Variants in FAM117B observed in about 807,000 individuals in gnomAD.
The protein encoded by FAM117B is protein FAM117B.
Under a neutral mutation model 52.8 loss-of-function variants are expected in FAM117B, and 22 were observed. That is an observed-to-expected ratio of 0.42 (90% CI 0.30 to 0.59). The LOEUF (loss-of-function observed/expected upper bound fraction) is 0.59, where lower values mean the gene tolerates loss of function less well. Ranked by LOEUF, FAM117B falls within the 20% of genes least tolerant of loss-of-function variation. The probability of loss-of-function intolerance (pLI) is 0.22; values close to 1 mark genes in which losing one functional copy is unlikely to be tolerated. For synonymous variants in FAM117B, 309 were observed against 324.1 expected, an observed-to-expected ratio of 0.95 and a Z score of 0.50; for missense variants, 678 against 802.6, an observed-to-expected ratio of 0.84 and a Z score of 1.88.
At chr2:202,691,711 C>T (rs1392872594) in intron 1 of FAM117B, among the ~76,000 whole-genome samples, 1 of 138,596 alleles carries the variant, frequency 7.2e-6, no homozygotes, top group East Asian at 2.0e-4. Flanking sequence ...GCGCGCGCCT[C>T]CCCACCCTGC....
intron 4 of FAM117B, among the ~76,000 whole-genome samples, chr2:202,735,901 A>G (rs935108222): frequency 2.0e-5 from 3 of 152,186 alleles, no homozygotes; most frequent in Non-Finnish European, 4.4e-5. Flanking sequence ...ATCATTTAAC[A>G]TTAGATATAT....
At chr2:202,655,756 G>T (rs993276251) in intron 1 of FAM117B, among the ~76,000 whole-genome samples, 1 of 144,942 alleles carries the variant, frequency 6.9e-6, no homozygotes, top group African/African-American at 2.6e-5. Context: ...GAGAGAGAGA[G>T]AGAGAGTGTG....
At chr2:202,648,283 G>A (rs1231101018) in intron 1 of FAM117B, among the ~76,000 whole-genome samples, 1 of 152,152 alleles carries the variant, frequency 6.6e-6, no homozygotes, top group African/African-American at 2.4e-5. Flanking sequence ...GCCGAGATGT[G>A]TAGATTGCCT....
In FAM117B at chr2:202,766,040, T is replaced by A. The variant is rs1298219814; in HGVS notation, c.*276T>A. On this transcript the variant is annotated 3_prime_UTR_variant, in exon 8 of 8. Coordinates refer to ENST00000392238, the MANE Select transcript of FAM117B (RefSeq NM_173511.4). ...TGGAGAGACAATATCACGTTTTTGT[T>A]TTCGAATTAGACTTCTTTAAAACAC... is the stretch of plus-strand genomic sequence containing the variant. 1.5e-5 allele frequency: 6 copies of A among 408,700 alleles called. No individual in the cohort carries two copies. The highest frequency in any genetic ancestry group is 1.3e-5 in the Non-Finnish European group (3 of 226,050). 25.3% of individuals were successfully genotyped at this position (408,700 alleles called of 1,614,324 possible).
intron 1 of FAM117B, among the ~76,000 whole-genome samples, chr2:202,663,011 G>C (rs945471637): frequency 2.0e-5 from 3 of 152,126 alleles, no homozygotes; most frequent in Non-Finnish European, 4.4e-5. Flanking sequence ...ACTATTTTTA[G>C]CTTCAGAATA....
intron 4 of FAM117B, among the ~76,000 whole-genome samples, chr2:202,731,368 T>TATATAG (rs780138718): frequency 0.04 from 3,876 of 95,742 alleles, 412 homozygotes; most frequent in East Asian, 0.067. Context: ...TATATATATA[T>TATATAG]GGAGAGAGAG....
intron 1 of FAM117B, among the ~76,000 whole-genome samples, chr2:202,657,700 G>T (rs886270308): frequency 6.6e-6 from 1 of 151,602 alleles, no homozygotes; most frequent in Non-Finnish European, 1.5e-5. Context: ...TGCCTAAGCT[G>T]GTCTCGACCT....
At chr2:202,724,143 C>T (rs1691198852) in intron 2 of FAM117B, among the ~76,000 whole-genome samples, 2 of 148,862 alleles carry the variant, frequency 1.3e-5, no homozygotes, top group South Asian at 4.3e-4. Context: ...CTGCAATCTC[C>T]ACCTCCCGGG....
Position 202,733,709 on chromosome 2 carries a change from A to G in FAM117B, c.960+7346A>G, listed in dbSNP as rs367820697. Among the ~76,000 whole-genome samples, 18 of 152,248 alleles carry G rather than the reference A, an allele frequency of 1.2e-4. No individual in the cohort carries two copies. The East Asian group carries it at 2.1e-3, about 18-fold the overall frequency. ...TCCCTTGTTCCCTAAAATCGCTGTT[A>G]TTCTGTTCGTTTTCAAGGTGCACTG... On this transcript the variant is annotated intron_variant, in intron 4 of 7. Transcript: ENST00000392238.
At chr2:202,661,925 A>G (rs1690134331) in intron 1 of FAM117B, among the ~76,000 whole-genome samples, 1 of 151,976 alleles carries the variant, frequency 6.6e-6, no homozygotes. Flanking sequence ...CATCTAAAAA[A>G]AAAAAAAAAA....
chr2:202,725,299 C>CTTT (rs11432596), intron 3 of FAM117B: 145 of 148,796 alleles, frequency 9.7e-4, no homozygotes, highest in Middle Eastern at 3.2e-3. Flanking sequence ...CACATTTATT[C>CTTT]TTTTTTTTTT....
At chr2:202,763,745 C>G (rs1691934823) in intron 7 of FAM117B, among the ~76,000 whole-genome samples, 1 of 152,118 alleles carries the variant, frequency 6.6e-6, no homozygotes, top group Non-Finnish European at 1.5e-5. Context: ...TTTCTTTGTT[C>G]TTAATTGTTA....
intron 4 of FAM117B, among the ~76,000 whole-genome samples, chr2:202,732,776 G>C (rs914044926): frequency 1.3e-5 from 2 of 151,588 alleles, no homozygotes; most frequent in South Asian, 4.2e-4. Context: ...AGCTGAGATC[G>C]CACCACTGCA....
intron 1 of FAM117B, among the ~76,000 whole-genome samples, chr2:202,693,125 A>G (rs1400150380): frequency 6.6e-6 from 1 of 152,212 alleles, no homozygotes; most frequent in Non-Finnish European, 1.5e-5. Flanking sequence ...TTGTATTTTT[A>G]AGCATTTTAT....
At chr2:202,742,539 T>C (rs964539551) in intron 4 of FAM117B, among the ~76,000 whole-genome samples, 1 of 152,144 alleles carries the variant, frequency 6.6e-6, no homozygotes, top group Admixed American at 6.5e-5. Context: ...TCTAAATGGA[T>C]TAAGGATCTA....
intron 2 of FAM117B, among the ~76,000 whole-genome samples, chr2:202,701,937 A>T (rs775141898): frequency 1.3e-5 from 2 of 152,220 alleles, no homozygotes; most frequent in African/African-American, 2.4e-5. Flanking sequence ...AAACTAACTT[A>T]GTTGTTAAAG....
chr2:202,719,896 G>A (rs1468164772), intron 2 of FAM117B, among the ~76,000 whole-genome samples: 2 of 151,808 alleles, frequency 1.3e-5, no homozygotes, highest in Admixed American at 1.3e-4. Flanking sequence ...TGTCAACTTG[G>A]GTTTATATAT....
intron 2 of FAM117B, among the ~76,000 whole-genome samples, chr2:202,708,623 A>G (rs931216123): frequency 3.3e-5 from 5 of 152,108 alleles, no homozygotes; most frequent in African/African-American, 1.2e-4. Context: ...TTTTGTTTTT[A>G]GAGACTGGGT....
intron 2 of FAM117B, among the ~76,000 whole-genome samples, chr2:202,718,745 T>C (rs1691101279): frequency 6.6e-6 from 1 of 152,206 alleles, no homozygotes; most frequent in Non-Finnish European, 1.5e-5. Context: ...TCACTGATGC[T>C]GCCCAGCGAT....
Sources: allele counts gnomAD v4.1 joint callset (sites outside exome capture counted in the v4.1 genomes callset), GRCh38; gene constraint gnomAD v4.1.1; transcripts MANE v1.5; gene names NCBI Gene and HGNC (gene_info 2026-07-23, HGNC 2026-07-21).